Variants in AFG1L observed in about 807,000 individuals in gnomAD.
AFG1L encodes AFG1-like ATPase.
A neutral mutation model predicts 62.2 loss-of-function variants in AFG1L; 53 were observed. The ratio of observed to expected loss-of-function variants is 0.85; its 90% CI spans 0.68 to 1.07. The LOEUF is 1.07. AFG1L is among the 50% of genes least tolerant of loss of function. The pLI is 0.00. For synonymous variants in AFG1L, 228 were observed against 210.3 expected (o/e 1.08, Z -0.73); for missense variants, 555 against 590.5 (o/e 0.94, Z 0.62).
intron 8 of AFG1L, among the ~76,000 whole-genome samples, chr6:108,448,398 G>A (rs1771899269): frequency 6.6e-6 from 1 of 151,336 alleles, no homozygotes; most frequent in African/African-American, 2.4e-5. Flanking sequence ...TGCTACCTGT[G>A]TCTTGATATT....
At chr6:108,332,840 C>G (rs926762384) in intron 2 of AFG1L, among the ~76,000 whole-genome samples, 1 of 152,148 alleles carries the variant, frequency 6.6e-6, no homozygotes, top group African/African-American at 2.4e-5. Context: ...CTCCTGGCCT[C>G]AAGCAATTCA....
intron 7 of AFG1L, among the ~76,000 whole-genome samples, chr6:108,408,495 T>C (rs1420978582): frequency 6.6e-6 from 1 of 152,210 alleles, no homozygotes; most frequent in Non-Finnish European, 1.5e-5. Flanking sequence ...ACTGTGCAAA[T>C]TCCAACTGTT....
chr6:108,478,035 C>G (rs1773185365), intron 10 of AFG1L, among the ~76,000 whole-genome samples: 1 of 152,180 alleles, frequency 6.6e-6, no homozygotes, highest in African/African-American at 2.4e-5. Flanking sequence ...ATCATTCTAG[C>G]TGGTCTCTGA....
At chr6:108,424,773 A>G (rs1482850651) in intron 7 of AFG1L, among the ~76,000 whole-genome samples, 2 of 152,216 alleles carry the variant, frequency 1.3e-5, no homozygotes, top group African/African-American at 4.8e-5. Context: ...GATGCTGGTA[A>G]TTGTGGAGGA....
chr6:108,447,301 G>A lies in AFG1L; in HGVS notation c.890+5G>A, dbSNP rs1352276341. ...TGCAGGAAAACTCTACTACCTGTAA[G>A]TGTTTCTAATTTTTAAAGTTTAATG... On this transcript the variant is annotated splice_donor_5th_base_variant and intron_variant, in intron 8 of 12. Coordinates refer to ENST00000368977, the MANE Select transcript of AFG1L (RefSeq NM_145315.5). 3 of 1,551,604 alleles carry A rather than the reference G, an allele frequency of 1.9e-6. No homozygotes were observed. Among genetic ancestry groups the A allele is most frequent in the Non-Finnish European group, 2.7e-6 (3 of 1,127,092 alleles).
intron 6 of AFG1L, chr6:108,388,127 A>G (rs1780855400): frequency 6.6e-6 from 1 of 152,118 alleles, no homozygotes; most frequent in South Asian, 2.1e-4. Flanking sequence ...ATAGTTTTAA[A>G]AGTTAACAGG....
intron 9 of AFG1L, 37 bp downstream of exon 9, chr6:108,476,972 T>C (rs751790938): frequency 6.5e-7 from 1 of 1,542,392 alleles, no homozygotes; most frequent in South Asian, 1.1e-5. Context: ...AGAATACATT[T>C]AGAACACAAT....
intron 3 of AFG1L, among the ~76,000 whole-genome samples, chr6:108,347,329 G>A (rs889174127): frequency 3.9e-5 from 6 of 152,130 alleles, no homozygotes; most frequent in African/African-American, 1.4e-4. Context: ...ACTACAGATA[G>A]GTTATTAGAC....
At chr6:108,324,593 TA>T (rs1777960377) in intron 2 of AFG1L, among the ~76,000 whole-genome samples, 1 of 152,140 alleles carries the variant, frequency 6.6e-6, no homozygotes, top group African/African-American at 2.4e-5. Context: ...AGTCTTTGAC[TA>T]ACCTCTTATG....
intron 8 of AFG1L, among the ~76,000 whole-genome samples, chr6:108,470,132 G>A (rs1271731583): frequency 6.6e-6 from 1 of 152,168 alleles, no homozygotes; most frequent in African/African-American, 2.4e-5. Context: ...TTAAGGTTCT[G>A]CTCATCCAAG....
intron 7 of AFG1L, among the ~76,000 whole-genome samples, chr6:108,415,926 T>C (rs1344146788): frequency 2.6e-5 from 4 of 152,220 alleles, no homozygotes; most frequent in African/African-American, 9.6e-5. Context: ...AAATGGGATC[T>C]AATTAAACTT....
chr6:108,395,239 AAGT>A (rs1318192425), intron 6 of AFG1L, among the ~76,000 whole-genome samples: 2 of 152,064 alleles, frequency 1.3e-5, no homozygotes, highest in African/African-American at 2.4e-5. Flanking sequence ...TTATTTCCAT[AAGT>A]ATATGTGGCA....
intron 7 of AFG1L, among the ~76,000 whole-genome samples, chr6:108,442,409 T>C (rs1771591698): frequency 6.6e-6 from 1 of 152,138 alleles, no homozygotes; most frequent in South Asian, 2.1e-4. Flanking sequence ...TGCATGTTTT[T>C]GGGCAATGCT....
At chr6:108,388,769 C>T (rs1337653186) in intron 6 of AFG1L, among the ~76,000 whole-genome samples, 1 of 151,562 alleles carries the variant, frequency 6.6e-6, no homozygotes, top group Non-Finnish European at 1.5e-5. Context: ...TGTTCTTTTA[C>T]ATTTGCTGAG....
At chr6:108,467,098 A>T (rs1278939489) in intron 8 of AFG1L, among the ~76,000 whole-genome samples, 3 of 152,182 alleles carry the variant, frequency 2.0e-5, no homozygotes, top group Non-Finnish European at 4.4e-5. Flanking sequence ...GATTTGACCA[A>T]TGTCAGTGCA....
intron 1 of AFG1L, chr6:108,318,295 G>GA (rs34535439): frequency 0.63 from 241,008 of 383,248 alleles, 77,291 homozygotes; most frequent in East Asian, 0.8. Flanking sequence ...ACTGTGCTGA[G>GA]CTTGAATGCG....
chr6:108,518,972 A>T (rs1775017109), intron 11 of AFG1L, among the ~76,000 whole-genome samples: 1 of 152,220 alleles, frequency 6.6e-6, no homozygotes, highest in Non-Finnish European at 1.5e-5. Flanking sequence ...AGCCAGGTAT[A>T]AATGTCAACA....
At chr6:108,389,677 C>A (rs1467675297) in intron 6 of AFG1L, among the ~76,000 whole-genome samples, 2 of 152,132 alleles carry the variant, frequency 1.3e-5, no homozygotes, top group Non-Finnish European at 2.9e-5. Flanking sequence ...GTTGAAAATT[C>A]TTTCCTTTAA....
intron 2 of AFG1L, among the ~76,000 whole-genome samples, chr6:108,341,868 A>T (rs1168787295): frequency 6.6e-6 from 1 of 152,166 alleles, no homozygotes; most frequent in African/African-American, 2.4e-5. Context: ...TCACTAGAGA[A>T]ACTTAGTCAT....
Sources: allele counts gnomAD v4.1 joint callset (sites outside exome capture counted in the v4.1 genomes callset), GRCh38; gene constraint gnomAD v4.1.1; transcripts MANE v1.5; gene names NCBI Gene and HGNC (gene_info 2026-07-23, HGNC 2026-07-21).